The following STK26 variants were observed in gnomAD, a reference collection of about 807,000 sequenced individuals.
The protein encoded by STK26 is serine/threonine kinase 26, also known as serine/threonine-protein kinase 26.
Under a neutral mutation model 34.7 loss-of-function variants are expected in STK26, and 14 were observed. The observed-to-expected ratio is 0.40, with a 90% CI of 0.27 to 0.63. The LOEUF (loss-of-function observed/expected upper bound fraction) is 0.63. STK26 is among the 30% of genes least tolerant of loss of function. The pLI is 0.38. For missense variants in STK26, 226 were observed against 309.1 expected (o/e 0.73, Z 2.02); for synonymous variants, 100 against 109.8 (o/e 0.91, Z 0.56).
chrX:132,068,045 T>G (rs1238583915), intron 4 of STK26, among the ~76,000 whole-genome samples, 170 bp from the exon 5 acceptor site: 1 of 111,865 alleles, frequency 8.9e-6, no homozygotes, highest in Non-Finnish European at 1.9e-5. Context: ...CTCTTTTGCT[T>G]TCTTCCTTCA....
chrX:132,025,603 T>C (rs1428272945), intron 2 of STK26, among the ~76,000 whole-genome samples: 1 of 110,322 alleles, frequency 9.1e-6, no homozygotes, highest in Non-Finnish European at 1.9e-5. Flanking sequence ...CCCACCTAAT[T>C]TGAGTAGGGC....
rs372486904 is a variant in STK26 at position 132,070,781 on chromosome X, C to A, written c.784-288C>A. 7.1e-5 allele frequency among the ~76,000 whole-genome samples: 8 copies of A among 112,851 alleles called. No individual in the cohort carries two copies. The East Asian group carries it at 1.7e-3, about 24-fold the overall frequency. ...ACTTTCTAAATACTGTCATGTGTCT[C>A]TCTGCTTTTGAGAAGGCCCTGCCTG... On this transcript the variant is annotated intron_variant, in intron 7 of 11. Transcript: ENST00000394334.
At chrX:132,037,769 C>CTTTTTTTTTTTTTTTTT (rs755403402) in intron 2 of STK26, among the ~76,000 whole-genome samples, 11 of 51,858 alleles carry the variant, frequency 2.1e-4, no homozygotes, top group Non-Finnish European at 3.1e-4. Flanking sequence ...CGGAGAGCTG[C>CTTTTTTTTTTTTTTTTT]TTTTTTTTTT....
chrX:132,044,627 TTCTCTCTC>T lies in STK26; in HGVS notation c.43-9973_43-9966del, dbSNP rs202173059. Among the ~76,000 whole-genome samples the T allele has an allele frequency of 1.3e-3, 56 of 43,095 alleles. 5 individuals are homozygous for T. Among genetic ancestry groups the T allele is most frequent in the African/African-American group, 1.4e-3 (15 of 10,387 alleles). The allele number at this position is 43,095 out of a possible 115,157, so 37.4% of individuals were successfully genotyped here. A position where few individuals can be genotyped will look rare whatever the true frequency, so the allele number is the denominator to read the frequency against. ...AACTTAGTTTCACTGGATGTTCAAATTCTCTCTCTCTCTCTCTCTCTCTCTCTCTCTCT... is the reference window on the plus strand; with the variant it reads ...AACTTAGTTTCACTGGATGTTCAAATTCTCTCTCTCTCTCTCTCTCTCTCT... On this transcript the variant is annotated intron_variant, in intron 2 of 11. Coordinates refer to ENST00000394334, the MANE Select transcript of STK26 (RefSeq NM_016542.4).
chrX:132,044,760 T>G (rs1285083163), intron 2 of STK26, among the ~76,000 whole-genome samples: 3 of 58,028 alleles, frequency 5.2e-5, no homozygotes, highest in African/African-American at 2.2e-4. Flanking sequence ...TATATTTATA[T>G]ATATATAGAG....
At chrX:132,048,392 C>T (rs946435008) in intron 2 of STK26, among the ~76,000 whole-genome samples, 4 of 111,268 alleles carry the variant, frequency 3.6e-5, no homozygotes, top group African/African-American at 1.3e-4. Context: ...GATCTCTTTA[C>T]GATGGAAAAT....
At chrX:132,031,992 A>G (rs1351783126) in intron 2 of STK26, among the ~76,000 whole-genome samples, 1 of 111,212 alleles carries the variant, frequency 9.0e-6, no homozygotes, top group Non-Finnish European at 1.9e-5. Context: ...GCGAACATTC[A>G]GAGAAACCAG....
chrX:132,028,780 G>A (rs1925712382), intron 2 of STK26, among the ~76,000 whole-genome samples: 1 of 110,725 alleles, frequency 9.0e-6, no homozygotes, highest in Non-Finnish European at 1.9e-5. Flanking sequence ...GGGGATGGGG[G>A]GATTCTTTAC....
chrX:132,062,832 A>G (rs1366056523), intron 3 of STK26, among the ~76,000 whole-genome samples: 2 of 112,237 alleles, frequency 1.8e-5, no homozygotes, highest in African/African-American at 6.5e-5. Context: ...TAGCTATATC[A>G]TAGGCAAAAA....
chrX:132,056,922 A>G (rs1245551873), intron 3 of STK26, among the ~76,000 whole-genome samples: 1 of 112,120 alleles, frequency 8.9e-6, no homozygotes, highest in Admixed American at 9.4e-5. Flanking sequence ...GGGTGGGTCC[A>G]GTGCAACCAC....
At chrX:132,028,276 C>G (rs1183834438) in intron 2 of STK26, among the ~76,000 whole-genome samples, 3 of 110,397 alleles carry the variant, frequency 2.7e-5, no homozygotes, top group Non-Finnish European at 5.7e-5. Context: ...AATTACCAGG[C>G]TTAATAATTA....
intron 3 of STK26, among the ~76,000 whole-genome samples, chrX:132,055,733 G>T (rs1171408916): frequency 1.8e-5 from 2 of 112,223 alleles, no homozygotes; most frequent in African/African-American, 6.5e-5. Flanking sequence ...GGTTTAAAAG[G>T]AGGGAAGTGT....
At chrX:132,028,709 C>T (rs1925708573) in intron 2 of STK26, among the ~76,000 whole-genome samples, 1 of 110,219 alleles carries the variant, frequency 9.1e-6, no homozygotes, top group South Asian at 3.9e-4. Context: ...GTAAGGGTGG[C>T]TTTAAGATGT....
At chrX:132,054,544 G>T in intron 2 of STK26, 87 bp from the exon 3 acceptor site, 1 of 836,280 alleles carries the variant, frequency 1.2e-6, no homozygotes, top group Non-Finnish European at 1.7e-6. Context: ...ATGTGTTATT[G>T]TCTTATGTGA....
chrX:132,068,195 T>C lies in STK26; in HGVS notation c.331-20T>C, dbSNP rs1387050213. ...ACTTTTACACATATGTGTATGTGTG[T>C]GTGTGTTTTTCCCCTTAAGCTTCGA... On this transcript the variant is annotated intron_variant, in intron 4 of 11. Transcript: ENST00000394334. 8.8e-7 allele frequency: 1 copy of C among 1,130,683 alleles called. No homozygotes were observed. The highest frequency in any genetic ancestry group is 3.0e-5 in the East Asian group (1 of 33,477). 93.2% of individuals were successfully genotyped at this position (1,130,683 alleles called of 1,213,427 possible). A position where few individuals can be genotyped will look rare whatever the true frequency, so the allele number is the denominator to read the frequency against.
chrX:132,033,976 C>T (rs1350150103), intron 2 of STK26, among the ~76,000 whole-genome samples: 2 of 109,252 alleles, frequency 1.8e-5, no homozygotes, highest in Non-Finnish European at 1.9e-5. Context: ...GCTAGGCATT[C>T]GTGTTTTGCT....
intron 2 of STK26, among the ~76,000 whole-genome samples, chrX:132,046,087 G>T (rs757016535): frequency 4.5e-5 from 5 of 111,727 alleles, no homozygotes; most frequent in Non-Finnish European, 9.4e-5. Flanking sequence ...TGTGATATGT[G>T]GTTAAGTGAC....
intron 3 of STK26, among the ~76,000 whole-genome samples, chrX:132,058,788 A>G (rs751578390): frequency 9.0e-6 from 1 of 111,552 alleles, no homozygotes; most frequent in Non-Finnish European, 1.9e-5. Flanking sequence ...ATCATTAACT[A>G]AACTCTATGA....
At position 132,074,945 on chromosome X, in the gene STK26, A is replaced by G. The variant is rs1005678774; in HGVS notation, c.*786A>G. 2 of 111,973 alleles carry G rather than the reference A, an allele frequency of 1.8e-5. No individual in the cohort carries two copies. Among genetic ancestry groups the G allele is most frequent in the Non-Finnish European group, 3.8e-5 (2 of 53,010 alleles). 9.2% of individuals were successfully genotyped at this position (111,973 alleles called of 1,213,427 possible). A position where few individuals can be genotyped will look rare whatever the true frequency, so the allele number is the denominator to read the frequency against. On this transcript the variant is annotated 3_prime_UTR_variant, in exon 12 of 12. Coordinates refer to ENST00000394334, the MANE Select transcript of STK26 (RefSeq NM_016542.4). ...TCTGGCTTCATGTTTTACATCTTCA[A>G]CTAAAATCCCATACTATCTGCTTGG...
Sources: gnomAD v4.1 joint callset for allele counts (sites outside exome capture counted in the v4.1 genomes callset) on GRCh38, gnomAD v4.1.1 for gene constraint, MANE v1.5 for transcripts, NCBI Gene and HGNC (gene_info 2026-07-23, HGNC 2026-07-21) for gene names.